The following LRRK2 variants were observed in gnomAD, a reference collection of about 807,000 sequenced individuals.
LRRK2 encodes the protein leucine-rich repeat serine/threonine-protein kinase 2.
Under a neutral mutation model 302.6 loss-of-function variants are expected in LRRK2, and 203 were observed. The ratio of observed to expected loss-of-function variants is 0.67; its 90% CI spans 0.60 to 0.75. The LOEUF is 0.75. Ranked by LOEUF, LRRK2 falls within the 30% of genes least tolerant of loss-of-function variation. LRRK2 has a pLI of 0.00. For missense variants in LRRK2, 2,830 were observed against 2,951.0 expected (o/e 0.96, Z 0.95); for synonymous variants, 1,066 against 1,031.9 (o/e 1.03, Z -0.63).
At chr12:40,290,590 T>C (rs1411106950) in intron 20 of LRRK2, among the ~76,000 whole-genome samples, 1 of 152,070 alleles carries the variant, frequency 6.6e-6, no homozygotes, top group East Asian at 1.9e-4. Flanking sequence ...ATTATTTTAA[T>C]TTTCTTTTAC....
chr12:40,312,958 G>T (rs1945085023), intron 31 of LRRK2: 1 of 149,042 alleles, frequency 6.7e-6, no homozygotes, highest in Non-Finnish European at 1.5e-5. Context: ...CATGAAAACA[G>T]TCTCTTGAGT....
chr12:40,260,776 T>A (rs1428027839), intron 13 of LRRK2, among the ~76,000 whole-genome samples: 1 of 152,034 alleles, frequency 6.6e-6, no homozygotes, highest in Non-Finnish European at 1.5e-5. Flanking sequence ...GACCCAGCAA[T>A]GGAAACACAG....
rs1483532082 is a variant in LRRK2, at chr12:40,351,726, C to A, written c.6569C>A (p.Thr2190Asn). The change falls in exon 44 of 51, where the codon ACT (threonine) becomes AAT (asparagine). Residue 2190 changes from threonine to asparagine, a missense_variant. This residue lies in a region of LRRK2 where 456 missense variants were observed against 456.3 expected (regional missense o/e 1.00). Coordinates refer to ENST00000298910, the MANE Select transcript of LRRK2 (RefSeq NM_198578.4). ...CTTGACTTAAATACTGAAGGATACA[C>A]TTCTGAGGTAAATCCAAATGCTCTT... ...SFLDLNTEGY[T>N]SEEVADSRIL... 6.2e-7 allele frequency: 1 copy of A among 1,614,070 alleles called. No individual in the cohort carries two copies. Among genetic ancestry groups the A allele is most frequent in the South Asian group, 1.1e-5 (1 of 91,066 alleles).
At chr12:40,296,180 T>C (rs10784497) in intron 23 of LRRK2, among the ~76,000 whole-genome samples, 14,359 of 152,240 alleles carry the variant, frequency 0.094, 829 homozygotes, top group Admixed American at 0.15. Flanking sequence ...AAAGTTCCTG[T>C]CTTGTAAGAA....
At chr12:40,364,587 A>C (rs1013602805) in intron 48 of LRRK2, among the ~76,000 whole-genome samples, 2 of 151,820 alleles carry the variant, frequency 1.3e-5, no homozygotes, top group African/African-American at 2.4e-5. Context: ...TATTTATAAA[A>C]ATTGTATCCC....
At chr12:40,225,487 G>C in intron 1 of LRRK2, 68 bp from the exon 2 acceptor site, 1 of 1,423,060 alleles carries the variant, frequency 7.0e-7, no homozygotes, top group South Asian at 1.2e-5. Context: ...CCCCGTTTCA[G>C]ACTAAAAAGG....
rs1197359585 is a variant in LRRK2, at chr12:40,251,223, T to A, written c.959-9T>A. On this transcript the variant is annotated splice_polypyrimidine_tract_variant and intron_variant, in intron 8 of 50. Transcript: ENST00000298910. ...TAATGTTTTTATATATTTTTCAATT[T>A]TTTTCAAGCTGAGACTATTTTCTTA... 2.6e-6 allele frequency: 4 copies of A among 1,531,802 alleles called. No homozygotes were observed. In the South Asian group the frequency reaches 4.8e-5, roughly 18 times the overall value. 94.9% of individuals were successfully genotyped at this position (1,531,802 alleles called of 1,614,324 possible).
At chr12:40,360,591 G>A (rs1022550234) in intron 47 of LRRK2, among the ~76,000 whole-genome samples, 1 of 151,962 alleles carries the variant, frequency 6.6e-6, no homozygotes, top group African/African-American at 2.4e-5. Context: ...GCAGACAGAG[G>A]GACCTTTCTA....
At chr12:40,264,861 A>T (rs1012695571) in intron 14 of LRRK2, among the ~76,000 whole-genome samples, 1 of 152,202 alleles carries the variant, frequency 6.6e-6, no homozygotes, top group Middle Eastern at 3.2e-3. Context: ...GTATTGGTGG[A>T]ATTAAGAAGT....
intron 40 of LRRK2, among the ~76,000 whole-genome samples, chr12:40,336,412 T>C (rs1237016560): frequency 6.6e-6 from 1 of 152,206 alleles, no homozygotes. Context: ...ATTTATTGTC[T>C]GTCTTGCCAT....
chr12:40,366,864 A>G lies in LRRK2; in HGVS notation c.7391-142A>G, dbSNP rs927934165. On this transcript the variant is annotated intron_variant, in intron 49 of 50. Coordinates refer to ENST00000298910, the MANE Select transcript of LRRK2 (RefSeq NM_198578.4). ...AAAATGCTGGTCTTTATTCAATATA[A>G]TTGAAGGGTCACCTAGAAAATAGAA... The G allele has an allele frequency of 1.6e-5, 10 of 624,354 alleles. No individual in the cohort carries two copies. In the African/African-American group the frequency reaches 1.9e-4, roughly 12 times the overall value. 38.7% of individuals were successfully genotyped at this position (624,354 alleles called of 1,614,324 possible). A position where few individuals can be genotyped will look rare whatever the true frequency, so the allele number is the denominator to read the frequency against.
intron 41 of LRRK2, among the ~76,000 whole-genome samples, chr12:40,345,595 C>G (rs765228376): frequency 3.3e-5 from 4 of 121,398 alleles, no homozygotes; most frequent in Non-Finnish European, 6.4e-5. Flanking sequence ...TGCACTCCAG[C>G]CTGGGCAAGA....
intron 23 of LRRK2, 129 bp from the exon 24 acceptor site, chr12:40,298,114 G>C: frequency 1.1e-6 from 1 of 894,050 alleles, no homozygotes; most frequent in Non-Finnish European, 1.7e-6. Flanking sequence ...TTCTGTTGTG[G>C]ATTGTGTTTT....
At chr12:40,342,906 C>T (rs1185556924) in intron 41 of LRRK2, among the ~76,000 whole-genome samples, 3 of 152,084 alleles carry the variant, frequency 2.0e-5, no homozygotes, top group African/African-American at 7.2e-5. Context: ...AGAGCATGAG[C>T]GATGTGCTGG....
In LRRK2 at chr12:40,354,401, A is replaced by G. The variant is rs199545534; in HGVS notation, c.6679A>G (p.Ile2227Val). The G allele has an allele frequency of 2.5e-6, 4 of 1,614,000 alleles. No homozygotes were observed. The African/African-American group carries it at 5.3e-5, about 22-fold the overall frequency. Residue 2227 changes from isoleucine to valine, a missense_variant, in exon 45 of 51, where the codon ATC becomes GTC. Around this residue, in one of 3 missense-constraint regions of LRRK2, gnomAD observed 456 missense variants for 456.3 expected, o/e 1.00. Transcript: ENST00000298910. Reference sequence around the variant, plus strand: ...GACACAGTCTGGTACTCTCCTGGTCATCAATACCGAAGATGGGAAAAAGAG... The same window carrying G: ...GACACAGTCTGGTACTCTCCTGGTCGTCAATACCGAAGATGGGAAAAAGAG... Reference protein sequence around the residue: ...SGTQSGTLLVINTEDGKKRHT... With the variant: ...SGTQSGTLLVVNTEDGKKRHT...
intron 38 of LRRK2, among the ~76,000 whole-genome samples, chr12:40,324,262 A>G (rs1479891672): frequency 6.6e-6 from 1 of 152,180 alleles, no homozygotes; most frequent in Non-Finnish European, 1.5e-5. Context: ...TAAAAATTGT[A>G]TATATTTATG....
At chr12:40,289,630 T>C (rs1000224155) in intron 20 of LRRK2, among the ~76,000 whole-genome samples, 2 of 150,892 alleles carry the variant, frequency 1.3e-5, no homozygotes, top group African/African-American at 4.8e-5. Flanking sequence ...ATTAATGTGA[T>C]ATATAGTTCA....
chr12:40,291,088 A>G (rs1592232972), intron 20 of LRRK2, among the ~76,000 whole-genome samples: 1 of 152,120 alleles, frequency 6.6e-6, no homozygotes, highest in Non-Finnish European at 1.5e-5. Context: ...ACCATGGAAT[A>G]CTATGCAGCC....
At chr12:40,360,287 T>C (rs2137032590) in intron 47 of LRRK2, among the ~76,000 whole-genome samples, 1 of 151,912 alleles carries the variant, frequency 6.6e-6, no homozygotes, top group East Asian at 1.9e-4. Context: ...AAACATTAGC[T>C]ATTATTATTA....
Sources: allele counts gnomAD v4.1 joint callset (sites outside exome capture counted in the v4.1 genomes callset), GRCh38; gene constraint gnomAD v4.1.1; regional missense constraint gnomAD v4.1.1; transcripts MANE v1.5; gene names NCBI Gene and HGNC (gene_info 2026-07-23, HGNC 2026-07-21).